KALRN: variants seen among roughly 807,000 people sequenced by gnomAD.
KALRN encodes kalirin RhoGEF kinase, also known as kalirin.
Under a neutral mutation model 353.7 loss-of-function variants are expected in KALRN, and 70 were observed. The observed-to-expected ratio is 0.20, with a 90% CI of 0.16 to 0.24. The LOEUF (loss-of-function observed/expected upper bound fraction) is 0.24. Ranked by LOEUF, KALRN falls within the 10% of genes least tolerant of loss-of-function variation. The pLI is 1.00. For missense variants in KALRN, 2,791 were observed against 3,756.7 expected (o/e 0.74, Z 6.72); for synonymous variants, 1,391 against 1,434.8 (o/e 0.97, Z 0.69).
Position 124,394,998 on chromosome 3 carries a change from AC to A in KALRN, c.1963-134del, listed in dbSNP as rs2089972791. The A allele has an allele frequency of 2.7e-5, 17 of 625,794 alleles. No individual in the cohort carries two copies. The East Asian group carries it at 4.6e-4, about 17-fold the overall frequency. The allele number at this position is 625,794 out of a possible 1,614,324, so 38.8% of individuals were successfully genotyped here. On this transcript the variant is annotated intron_variant, in intron 11 of 59. Transcript: ENST00000682506. The stretch of plus-strand genomic sequence containing the variant: ...AATATAAATGTAAAAACACAAACTG[AC>A]CCATAGTTGTGCTGATGAGAATGGC...
chr3:124,157,622 G>T (rs1189616046), intron 1 of KALRN, among the ~76,000 whole-genome samples: 1 of 152,140 alleles, frequency 6.6e-6, no homozygotes, highest in Non-Finnish European at 1.5e-5. Context: ...AGTACAAATA[G>T]ATCATTTGTT....
chr3:124,154,114 T>C (rs1466473300), intron 1 of KALRN, among the ~76,000 whole-genome samples: 1 of 152,236 alleles, frequency 6.6e-6, no homozygotes, highest in Non-Finnish European at 1.5e-5. Context: ...GCAGAAGCTC[T>C]TTAGTTTAAT....
chr3:124,318,198 G>C (rs957086449), intron 6 of KALRN, among the ~76,000 whole-genome samples: 2 of 152,142 alleles, frequency 1.3e-5, no homozygotes, highest in Non-Finnish European at 2.9e-5. Flanking sequence ...TGGGCACTGG[G>C]GCTATTCCTG....
chr3:124,365,382 C>G (rs1425199330), intron 10 of KALRN, among the ~76,000 whole-genome samples: 1 of 152,134 alleles, frequency 6.6e-6, no homozygotes, highest in Non-Finnish European at 1.5e-5. Context: ...GTGTCTCTCC[C>G]AACACTACAG....
intron 9 of KALRN, among the ~76,000 whole-genome samples, chr3:124,341,752 T>G (rs114750038): frequency 6.6e-6 from 1 of 152,102 alleles, no homozygotes; most frequent in Non-Finnish European, 1.5e-5. Context: ...TGGAGTCTAG[T>G]GTGAGAGACA....
chr3:124,230,874 A>AC (rs1357841258), intron 2 of KALRN, among the ~76,000 whole-genome samples: 82 of 150,982 alleles, frequency 5.4e-4, no homozygotes, highest in Non-Finnish European at 7.4e-4. Context: ...AAAAAAAACA[A>AC]AAAAAAAACA....
intron 5 of KALRN, among the ~76,000 whole-genome samples, chr3:124,280,016 C>A (rs1432179624): frequency 6.6e-6 from 1 of 152,182 alleles, no homozygotes. Flanking sequence ...GGTCTGTGTT[C>A]ATGCCATGTG....
intron 1 of KALRN, among the ~76,000 whole-genome samples, chr3:124,224,872 C>T (rs558021364): frequency 2.0e-4 from 31 of 152,298 alleles, no homozygotes; most frequent in Admixed American, 1.9e-3. Flanking sequence ...GAGTAGTACC[C>T]TGGAGGGCAT....
intron 34 of KALRN, among the ~76,000 whole-genome samples, chr3:124,574,038 G>T (rs961807498): frequency 1.3e-5 from 2 of 151,754 alleles, no homozygotes; most frequent in Non-Finnish European, 2.9e-5. Context: ...AGTGTTGGGT[G>T]TATATGAGGG....
At chr3:124,174,736 T>C (rs2072415033) in intron 1 of KALRN, among the ~76,000 whole-genome samples, 1 of 152,204 alleles carries the variant, frequency 6.6e-6, no homozygotes, top group Admixed American at 6.5e-5. Flanking sequence ...AGCAGGACTG[T>C]CCAGGCCCCT....
At chr3:124,669,963 CT>C (rs61190740) in intron 47 of KALRN, among the ~76,000 whole-genome samples, 30,115 of 136,272 alleles carry the variant, frequency 0.22, 1,931 homozygotes, top group Middle Eastern at 0.29. Flanking sequence ...CATATATTTT[CT>C]TTTTTTTTTT....
At chr3:124,044,665 T>C (rs1420216601) in intron 1 of KALRN, among the ~76,000 whole-genome samples, 1 of 152,004 alleles carries the variant, frequency 6.6e-6, no homozygotes, top group Non-Finnish European at 1.5e-5. Flanking sequence ...ATTCTGATAG[T>C]TATATTCATA....
chr3:124,411,433 C>CTTTTCTTTTTTTTTTTT (rs2092142400), intron 13 of KALRN, among the ~76,000 whole-genome samples: 1 of 51,480 alleles, frequency 1.9e-5, no homozygotes, highest in East Asian at 6.1e-4. Flanking sequence ...TTAAATTATG[C>CTTTTCTTTTTTTTTTTT]TTTTTTTTTT....
At chr3:124,635,667 T>G (rs2081278859) in intron 36 of KALRN, among the ~76,000 whole-genome samples, 1 of 152,206 alleles carries the variant, frequency 6.6e-6, no homozygotes, top group African/African-American at 2.4e-5. Context: ...CGTTGTAATA[T>G]TGTGCAATTG....
intron 23 of KALRN, among the ~76,000 whole-genome samples, chr3:124,459,889 G>C (rs774929711): frequency 6.6e-5 from 10 of 152,170 alleles, no homozygotes; most frequent in Non-Finnish European, 1.5e-4. Flanking sequence ...GGATTTGTTT[G>C]TTGGGGCTGC....
intron 34 of KALRN, among the ~76,000 whole-genome samples, chr3:124,585,748 T>C (rs1357933901): frequency 6.6e-6 from 1 of 152,222 alleles, no homozygotes; most frequent in Non-Finnish European, 1.5e-5. Flanking sequence ...ACTGTTTTTG[T>C]GTGGGTAGAA....
intron 5 of KALRN, among the ~76,000 whole-genome samples, chr3:124,279,859 T>C (rs949956615): frequency 3.9e-5 from 6 of 152,110 alleles, no homozygotes; most frequent in African/African-American, 9.7e-5. Context: ...GGAGCATAGA[T>C]GGAGAAATGT....
At chr3:124,349,801 C>A (rs189612909) in intron 10 of KALRN, among the ~76,000 whole-genome samples, 134 of 152,238 alleles carry the variant, frequency 8.8e-4, no homozygotes, top group African/African-American at 3.1e-3. Context: ...GACACAGGTC[C>A]CAATGCACCT....
Position 124,268,997 on chromosome 3 carries a change from A to G in KALRN, c.711A>G (p.Lys237=). 6.2e-7 allele frequency: 1 copy of G among 1,614,002 alleles called. No homozygotes were observed. The highest frequency in any genetic ancestry group is 1.1e-5 in the South Asian group (1 of 91,056). Reference sequence around the variant, plus strand: ...TTGACGAACACACACAGCTCAAGAAAAAGGTGCTGAAGGCCCCTGTGGAGG... The same window carrying G: ...TTGACGAACACACACAGCTCAAGAAGAAGGTGCTGAAGGCCCCTGTGGAGG... ...RLIDEHTQLK[K]KVLKAPVEEL... The change falls in exon 5 of 60, where the codon AAA becomes AAG. Residue 237 remains lysine (K), a synonymous_variant. Coordinates refer to ENST00000682506, the MANE Select transcript of KALRN (RefSeq NM_001388419.1).
Sources: allele counts gnomAD v4.1 joint callset (sites outside exome capture counted in the v4.1 genomes callset), GRCh38; gene constraint gnomAD v4.1.1; transcripts MANE v1.5; gene names NCBI Gene and HGNC (gene_info 2026-07-23, HGNC 2026-07-21).